Variants in FAM135B observed in about 807,000 individuals in gnomAD.
FAM135B encodes the protein family with sequence similarity 135 member B.
In FAM135B, 43 loss-of-function variants were observed where a neutral mutation model predicts 127.7. The ratio of observed to expected loss-of-function variants is 0.34; its 90% CI spans 0.26 to 0.43. The LOEUF (loss-of-function observed/expected upper bound fraction) is 0.43. Ranked by LOEUF, FAM135B falls within the 20% of genes least tolerant of loss-of-function variation. The pLI is 1.00. For synonymous variants in FAM135B, 670 were observed against 665.1 expected, an observed-to-expected ratio of 1.01 and a Z score of -0.11; for missense variants, 1,558 against 1,725.6, an observed-to-expected ratio of 0.90 and a Z score of 1.72.
Position 138,373,825 on chromosome 8 carries a change from T to C in FAM135B, c.-19-5823A>G, listed in dbSNP as rs190133104. Among the ~76,000 whole-genome samples the C allele has an allele frequency of 4.6e-5, 7 of 152,212 alleles. No individual in the cohort carries two copies. The East Asian group carries it at 5.8e-4, about 13-fold the overall frequency. On this transcript the variant is annotated intron_variant, in intron 1 of 19. Coordinates refer to ENST00000395297, the MANE Select transcript of FAM135B (RefSeq NM_015912.4). ...GTCTCCCGTAGCGCTCCCAGGCTTA[T>C]TAGGAAGAGGAAATTCTCACCTAAT...
intron 3 of FAM135B, among the ~76,000 whole-genome samples, chr8:138,297,088 G>A (rs1049196685): frequency 4.6e-5 from 7 of 152,134 alleles, no homozygotes; most frequent in Non-Finnish European, 7.4e-5. Context: ...CAGGTGCTAT[G>A]GAGGGGCATG....
chr8:138,407,207 G>A (rs896097043), intron 1 of FAM135B, among the ~76,000 whole-genome samples: 8 of 149,002 alleles, frequency 5.4e-5, no homozygotes, highest in African/African-American at 2.0e-4. Context: ...CAAGGGACGT[G>A]AAGGACCTCT....
intron 1 of FAM135B, among the ~76,000 whole-genome samples, chr8:138,485,084 T>G (rs185044972): frequency 2.0e-5 from 3 of 152,342 alleles, no homozygotes; most frequent in African/African-American, 7.2e-5. Context: ...ATAACTAATA[T>G]CAAGTCCTTT....
intron 7 of FAM135B, among the ~76,000 whole-genome samples, chr8:138,232,951 C>G (rs1820011542): frequency 6.6e-6 from 1 of 152,162 alleles, no homozygotes; most frequent in South Asian, 2.1e-4. Context: ...TCCCACTTTC[C>G]TCTTCACCAC....
intron 7 of FAM135B, among the ~76,000 whole-genome samples, chr8:138,206,410 G>GCTCTATCA (rs1817615174): frequency 1.1e-4 from 7 of 61,452 alleles, no homozygotes; most frequent in South Asian, 4.8e-4. Flanking sequence ...CAGCTCTATC[G>GCTCTATCA]TCCCCTCCAC....
chr8:138,304,687 G>A (rs917181115), intron 3 of FAM135B, among the ~76,000 whole-genome samples: 1 of 152,210 alleles, frequency 6.6e-6, no homozygotes, highest in Non-Finnish European at 1.5e-5. Context: ...GCTCCTGAAG[G>A]AGGGCCCTAG....
intron 3 of FAM135B, among the ~76,000 whole-genome samples, chr8:138,292,984 T>G (rs1473298166): frequency 6.6e-6 from 1 of 152,090 alleles, no homozygotes; most frequent in Admixed American, 6.6e-5. Flanking sequence ...AGGAATCACA[T>G]TACCTGGCTT....
At chr8:138,425,990 T>TATATATATATATAC (rs1834830495) in intron 1 of FAM135B, among the ~76,000 whole-genome samples, 2 of 15,696 alleles carry the variant, frequency 1.3e-4, no homozygotes, top group Non-Finnish European at 2.3e-4. Context: ...TATATATATA[T>TATATATATATATAC]ATATATATAT....
At chr8:138,295,273 A>G (rs1011616453) in intron 3 of FAM135B, among the ~76,000 whole-genome samples, 1 of 151,682 alleles carries the variant, frequency 6.6e-6, no homozygotes, top group African/African-American at 2.4e-5. Context: ...TAGGAAAGGC[A>G]CTGGTCTGGG....
chr8:138,369,730 C>T (rs747138945), intron 1 of FAM135B, among the ~76,000 whole-genome samples: 4 of 152,092 alleles, frequency 2.6e-5, no homozygotes, highest in South Asian at 2.1e-4. Context: ...CAATCAAAGC[C>T]GGATGGAGGG....
intron 1 of FAM135B, among the ~76,000 whole-genome samples, chr8:138,458,855 A>C (rs945939283): frequency 6.6e-6 from 1 of 152,212 alleles, no homozygotes; most frequent in African/African-American, 2.4e-5. Context: ...ATTCAGAGGG[A>C]GTAGCAAATG....
intron 3 of FAM135B, among the ~76,000 whole-genome samples, chr8:138,279,534 G>A (rs1385249776): frequency 6.6e-6 from 1 of 152,186 alleles, no homozygotes; most frequent in African/African-American, 2.4e-5. Flanking sequence ...CTCTGACTCA[G>A]ACTGATCTTT....
rs78343012 is a variant in FAM135B, at chr8:138,149,880, G to A, written c.3282-1194C>T. 4.9e-3 allele frequency among the ~76,000 whole-genome samples: 741 copies of A among 152,250 alleles called. 6 individuals are homozygous for A. The highest frequency in any genetic ancestry group is 0.017 in the African/African-American group (701 of 41,538). ...GTGTCTGTCTCTCCGTTAGACTGCAGGTACAATAAAAGCAAGGGAAACCCT... is the reference window on the plus strand; with the variant it reads ...GTGTCTGTCTCTCCGTTAGACTGCAAGTACAATAAAAGCAAGGGAAACCCT... On this transcript the variant is annotated intron_variant, in intron 13 of 19. Coordinates refer to ENST00000395297, the MANE Select transcript of FAM135B (RefSeq NM_015912.4).
At chr8:138,291,538 T>G (rs941699773) in intron 3 of FAM135B, among the ~76,000 whole-genome samples, 5 of 152,120 alleles carry the variant, frequency 3.3e-5, no homozygotes, top group African/African-American at 1.2e-4. Context: ...ATGCAAATAT[T>G]TTGATCAAAA....
At chr8:138,496,443 C>T (rs890233225) in intron 1 of FAM135B, among the ~76,000 whole-genome samples, 3 of 152,214 alleles carry the variant, frequency 2.0e-5, no homozygotes, top group Admixed American at 2.0e-4. Context: ...AGCCTCTCCG[C>T]TCCTTTCACA....
At chr8:138,433,571 T>C (rs1835311463) in intron 1 of FAM135B, among the ~76,000 whole-genome samples, 1 of 145,764 alleles carries the variant, frequency 6.9e-6, no homozygotes, top group Non-Finnish European at 1.5e-5. Flanking sequence ...ATAAATAAAA[T>C]AATTTTAAAA....
chr8:138,259,183 T>C (rs968475768), intron 4 of FAM135B, among the ~76,000 whole-genome samples: 1 of 152,150 alleles, frequency 6.6e-6, no homozygotes, highest in African/African-American at 2.4e-5. Context: ...CCTTCTCCCA[T>C]GGTCACATGT....
chr8:138,422,865 A>T (rs753902886), intron 1 of FAM135B, among the ~76,000 whole-genome samples: 7 of 152,234 alleles, frequency 4.6e-5, no homozygotes, highest in Non-Finnish European at 5.9e-5. Flanking sequence ...TAATTTACAT[A>T]CATATCCATT....
chr8:138,260,668 G>A, intron 4 of FAM135B, among the ~76,000 whole-genome samples: 1 of 152,040 alleles, frequency 6.6e-6, no homozygotes. Flanking sequence ...TGCACTTGGT[G>A]GCCAGGCAGC....
Sources: allele counts gnomAD v4.1 joint callset (sites outside exome capture counted in the v4.1 genomes callset), GRCh38; gene constraint gnomAD v4.1.1; transcripts MANE v1.5; gene names NCBI Gene and HGNC (gene_info 2026-07-23, HGNC 2026-07-21).